ASIC2: variants seen among roughly 807,000 people sequenced by gnomAD.
ASIC2 encodes acid sensing ion channel subunit 2.
A neutral mutation model predicts 57.3 loss-of-function variants in ASIC2; 25 were observed. That is an observed-to-expected ratio of 0.44 (90% CI 0.32 to 0.61). The LOEUF is 0.61. ASIC2 is among the 20% of genes least tolerant of loss of function. The pLI, the probability that ASIC2 is intolerant of heterozygous loss-of-function variation, is 0.06. For missense variants in ASIC2, 641 were observed against 738.1 expected (o/e 0.87, Z 1.52); for synonymous variants, 319 against 307.5 (o/e 1.04, Z -0.39).
intron 1 of ASIC2, among the ~76,000 whole-genome samples, chr17:33,500,551 C>G (rs1199111789): frequency 1.3e-5 from 2 of 152,196 alleles, no homozygotes; most frequent in Non-Finnish European, 2.9e-5. Context: ...AGGAGAGGTT[C>G]AGAAAGAAGA....
chr17:33,682,044 A>C (rs571119033), intron 1 of ASIC2, among the ~76,000 whole-genome samples: 1 of 147,810 alleles, frequency 6.8e-6, no homozygotes, highest in South Asian at 2.2e-4. Flanking sequence ...TCCACACAGG[A>C]TGGCATCAGT....
chr17:33,577,604 T>C (rs76026751), intron 1 of ASIC2, among the ~76,000 whole-genome samples: 1 of 152,240 alleles, frequency 6.6e-6, no homozygotes, highest in East Asian at 1.9e-4. Context: ...GGAATGAGCA[T>C]TCTTACCAAC....
chr17:34,099,736 AAGAAAGAAAGAAAG>A (rs1462952909), intron 1 of ASIC2, among the ~76,000 whole-genome samples: 1 of 414 alleles, frequency 2.4e-3, no homozygotes, highest in African/African-American at 4.7e-3. Context: ...GAAAGAAGGA[AAGAAAGAAAGAAAG>A]AAAGAAAGAA....
intron 1 of ASIC2, among the ~76,000 whole-genome samples, chr17:33,196,320 T>C (rs562128840): frequency 1.1e-4 from 11 of 102,694 alleles, no homozygotes; most frequent in African/African-American, 2.2e-4. Flanking sequence ...ATGATGACGA[T>C]GATGATGATG....
intron 1 of ASIC2, among the ~76,000 whole-genome samples, chr17:33,916,785 G>C (rs942791647): frequency 6.6e-6 from 1 of 152,202 alleles, no homozygotes; most frequent in African/African-American, 2.4e-5. Context: ...AAAGTCAAGA[G>C]GGGAAGGATC....
intron 1 of ASIC2, among the ~76,000 whole-genome samples, chr17:33,567,524 G>A (rs1201066125): frequency 1.3e-5 from 2 of 152,206 alleles, no homozygotes; most frequent in African/African-American, 4.8e-5. Context: ...CTGCTGGACA[G>A]TGGGAAGGGA....
chr17:33,555,395 T>C (rs932884726), intron 1 of ASIC2, among the ~76,000 whole-genome samples: 1 of 143,646 alleles, frequency 7.0e-6, no homozygotes, highest in Non-Finnish European at 1.5e-5. Context: ...GTTTGGAATA[T>C]AACACATTCT....
chr17:33,864,183 A>G (rs1308548730), intron 1 of ASIC2, among the ~76,000 whole-genome samples: 4 of 152,142 alleles, frequency 2.6e-5, no homozygotes, highest in Non-Finnish European at 5.9e-5. Flanking sequence ...CTGGGATTAT[A>G]GGCGTGAGCC....
intron 1 of ASIC2, among the ~76,000 whole-genome samples, chr17:33,277,317 AT>A (rs1904744831): frequency 6.6e-6 from 1 of 152,164 alleles, no homozygotes; most frequent in Non-Finnish European, 1.5e-5. Context: ...ATTCACCACC[AT>A]GAGTCAGGGA....
chr17:34,125,135 G>A (rs1368829879), intron 1 of ASIC2, among the ~76,000 whole-genome samples: 2 of 151,306 alleles, frequency 1.3e-5, no homozygotes, highest in African/African-American at 4.9e-5. Flanking sequence ...TTCTTCCTCC[G>A]TGTCCCCATT....
intron 1 of ASIC2, 79 bp downstream of exon 1, chr17:33,291,329 G>C: frequency 1.0e-5 from 15 of 1,498,080 alleles, no homozygotes; most frequent in Non-Finnish European, 1.3e-5. Context: ...GGACAGCCCC[G>C]AGGGGGCGGA....
chr17:33,431,488 CA>C (rs1911417610), intron 1 of ASIC2, among the ~76,000 whole-genome samples: 1 of 150,306 alleles, frequency 6.7e-6, no homozygotes, highest in African/African-American at 2.4e-5. Context: ...CCTGTAATCC[CA>C]GCTACTCAGG....
chr17:33,573,768 G>A (rs901808816), intron 1 of ASIC2, among the ~76,000 whole-genome samples: 10 of 152,126 alleles, frequency 6.6e-5, no homozygotes, highest in Admixed American at 3.9e-4. Context: ...GTTTTGCCAC[G>A]TTGGCCAGGC....
In ASIC2 at chr17:33,970,452, ACTGCTCCCCT is replaced by A. The variant is rs1162677832; in HGVS notation, c.555+185516_555+185525del. ...GTGCCCACACCCAGCTGTGAAACAC[ACTGCTCCCCT>A]GCTGAGCCAAGCCCTGATCTATGGG... On this transcript the variant is annotated intron_variant, in intron 1 of 9. Coordinates refer to the ASIC2 transcript ENST00000359872. Among the ~76,000 whole-genome samples the A allele has an allele frequency of 7.9e-5, 12 of 152,332 alleles. No individual in the cohort carries two copies. In the East Asian group the frequency reaches 2.1e-3, roughly 27 times the overall value.
chr17:33,831,266 A>G (rs1597894289), intron 1 of ASIC2, among the ~76,000 whole-genome samples: 2 of 152,124 alleles, frequency 1.3e-5, no homozygotes, highest in Non-Finnish European at 1.5e-5. Flanking sequence ...GCCTGCTCAT[A>G]CATATCCCAT....
At chr17:33,212,273 T>C (rs1186864937) in intron 1 of ASIC2, among the ~76,000 whole-genome samples, 2 of 152,162 alleles carry the variant, frequency 1.3e-5, no homozygotes, top group Non-Finnish European at 2.9e-5. Flanking sequence ...ATCTGGGTGA[T>C]CTCAATGTAG....
intron 1 of ASIC2, among the ~76,000 whole-genome samples, chr17:33,555,682 G>A (rs1915886728): frequency 6.6e-6 from 1 of 152,112 alleles, no homozygotes; most frequent in East Asian, 1.9e-4. Flanking sequence ...AGGTTACCAT[G>A]GAGTAGAAAT....
At chr17:33,784,987 A>C (rs1161816425) in intron 1 of ASIC2, among the ~76,000 whole-genome samples, 1 of 152,132 alleles carries the variant, frequency 6.6e-6, no homozygotes, top group African/African-American at 2.4e-5. Context: ...AGTGCTTTGC[A>C]TGTTGTTATG....
intron 1 of ASIC2, among the ~76,000 whole-genome samples, chr17:33,725,854 C>T (rs1597851134): frequency 1.3e-5 from 2 of 152,200 alleles, no homozygotes; most frequent in East Asian, 3.9e-4. Context: ...GTAGCACAAC[C>T]TTCTGCACTG....
Sources: gnomAD v4.1 joint callset for allele counts (sites outside exome capture counted in the v4.1 genomes callset) on GRCh38, gnomAD v4.1.1 for gene constraint, MANE v1.5 for transcripts, NCBI Gene and HGNC (gene_info 2026-07-23, HGNC 2026-07-21) for gene names.